LUC7L: variants seen among roughly 807,000 people sequenced by gnomAD.
LUC7L encodes the protein LUC7 like, also known as putative RNA-binding protein Luc7-like 1.
LUC7L carries 29 observed loss-of-function variants against 51.1 expected under a neutral mutation model. The ratio of observed to expected loss-of-function variants is 0.57; its 90% CI spans 0.42 to 0.77. The LOEUF (loss-of-function observed/expected upper bound fraction) is 0.77. Ranked by LOEUF, LUC7L falls within the 30% of genes least tolerant of loss-of-function variation. LUC7L has a pLI of 0.00. For synonymous variants in LUC7L, 181 were observed against 180.7 expected (o/e 1.00, Z -0.01); for missense variants, 403 against 511.9 (o/e 0.79, Z 2.05).
At chr16:201,949 G>A (rs779242391) in intron 5 of LUC7L, among the ~76,000 whole-genome samples, 2 of 150,658 alleles carry the variant, frequency 1.3e-5, no homozygotes, top group East Asian at 3.9e-4. Flanking sequence ...TCACCAAGTT[G>A]GCCAGGCTGG....
chr16:194,820 C>T (rs141791437), intron 6 of LUC7L, among the ~76,000 whole-genome samples: 1 of 152,240 alleles, frequency 6.6e-6, no homozygotes, highest in East Asian at 1.9e-4. Flanking sequence ...CACCGGGCAC[C>T]GTTCTGTATA....
At chr16:227,833 T>C in intron 1 of LUC7L, 1 of 1,000,826 alleles carries the variant, frequency 1.0e-6, no homozygotes, top group African/African-American at 1.7e-5. Flanking sequence ...GACTGTTAAA[T>C]AATCTAGATC....
chr16:200,356 G>A (rs992841701), intron 5 of LUC7L, among the ~76,000 whole-genome samples: 4 of 151,866 alleles, frequency 2.6e-5, no homozygotes, highest in East Asian at 1.9e-4. Flanking sequence ...CCCGGCAGGC[G>A]GAGCTTGTAG....
rs192364189 is a variant in LUC7L at position 195,263 on chromosome 16, A to G, written c.688-2248T>C. On this transcript the variant is annotated intron_variant, in intron 6 of 9. Transcript: ENST00000293872. Reference sequence around the variant, plus strand: ...ACATAGTAAGACCTCCTACCTAAAAAAAAAAAATGAGCCAGATATGGTGGT... The same window carrying G: ...ACATAGTAAGACCTCCTACCTAAAAGAAAAAAATGAGCCAGATATGGTGGT... 7.2e-5 allele frequency among the ~76,000 whole-genome samples: 11 copies of G among 152,064 alleles called. No individual in the cohort carries two copies. In the East Asian group the frequency reaches 2.1e-3, roughly 29 times the overall value.
At chr16:226,848 T>C (rs771478212) in intron 2 of LUC7L, among the ~76,000 whole-genome samples, 1 of 152,224 alleles carries the variant, frequency 6.6e-6, no homozygotes, top group African/African-American at 2.4e-5. Context: ...TGTTCCATAA[T>C]ATAAAATCCT....
intron 3 of LUC7L, among the ~76,000 whole-genome samples, chr16:214,404 A>T (rs777775000): frequency 1.8e-4 from 27 of 152,334 alleles, no homozygotes; most frequent in Non-Finnish European, 2.9e-4. Flanking sequence ...CACAAACATT[A>T]GTTTGAAGGG....
chr16:202,900 C>A (rs2142064178), intron 5 of LUC7L, among the ~76,000 whole-genome samples: 1 of 152,338 alleles, frequency 6.6e-6, no homozygotes, highest in South Asian at 2.1e-4. Flanking sequence ...GTAATCCCAG[C>A]ACTGTGGGAG....
intron 6 of LUC7L, among the ~76,000 whole-genome samples, chr16:197,887 G>T (rs1156310456): frequency 6.6e-6 from 1 of 152,154 alleles, no homozygotes; most frequent in East Asian, 1.9e-4. Context: ...CTAGTATGCG[G>T]TAAGGGGGGC....
intron 2 of LUC7L, among the ~76,000 whole-genome samples, chr16:225,621 G>C (rs528608857): frequency 6.6e-6 from 1 of 150,450 alleles, no homozygotes; most frequent in African/African-American, 2.4e-5. Flanking sequence ...TGAGTAGCTG[G>C]GATTACAGGC....
intron 1 of LUC7L, chr16:227,951 G>A: frequency 2.0e-6 from 2 of 1,024,054 alleles, no homozygotes; most frequent in Non-Finnish European, 2.4e-6. Context: ...AACTAGGTTA[G>A]TCAATACACA....
intron 4 of LUC7L, among the ~76,000 whole-genome samples, chr16:207,450 TCAAG>T (rs2049515026): frequency 6.6e-6 from 1 of 152,114 alleles, no homozygotes; most frequent in South Asian, 2.1e-4. Context: ...ACTCCTGGGC[TCAAG>T]CAGTCTGCCC....
intron 3 of LUC7L, among the ~76,000 whole-genome samples, chr16:216,375 T>C (rs1257493141): frequency 2.1e-5 from 3 of 145,082 alleles, no homozygotes; most frequent in Non-Finnish European, 4.5e-5. Flanking sequence ...GGTTATCAAA[T>C]AGTTGTTTTT....
intron 5 of LUC7L, among the ~76,000 whole-genome samples, chr16:201,718 C>T (rs1258046734): frequency 2.2e-5 from 3 of 138,382 alleles, no homozygotes; most frequent in Middle Eastern, 3.9e-3. Context: ...GGATTACAGG[C>T]GTGAGCCACC....
At chr16:212,422 G>A (rs545723989) in intron 3 of LUC7L, among the ~76,000 whole-genome samples, 1 of 152,270 alleles carries the variant, frequency 6.6e-6, no homozygotes, top group Admixed American at 6.5e-5. Flanking sequence ...TGGCTCCAAA[G>A]ACCTGCACTT....
chr16:190,016 T>TGGCTCCGGGAACGGCTGC lies in LUC7L; in HGVS notation c.908_925dup (p.Arg303_Ser308dup). ...GGAAGCCCGACGATGTCCCCGGCTG[T>TGGCTCCGGGAACGGCTGC]GGCTCCGGGAACGGCTGCGGTGGCG... On this transcript the variant is annotated inframe_insertion, in exon 9 of 10. Transcript: ENST00000293872. 1.2e-6 allele frequency: 2 copies of TGGCTCCGGGAACGGCTGC among 1,614,072 alleles called. No homozygotes were observed. The highest frequency in any genetic ancestry group is 1.3e-5 in the African/African-American group (1 of 75,038).
chr16:213,301 A>G (rs2049696805), intron 3 of LUC7L, among the ~76,000 whole-genome samples: 1 of 152,086 alleles, frequency 6.6e-6, no homozygotes, highest in African/African-American at 2.4e-5. Flanking sequence ...AGGTAAAACA[A>G]CTGAGTACTG....
At chr16:228,746 T>TG in intron 1 of LUC7L, 4 of 1,263,756 alleles carry the variant, frequency 3.2e-6, no homozygotes, top group Non-Finnish European at 4.1e-6. Context: ...TCCTGTGTGC[T>TG]GGGGGGAAGG....
At chr16:201,242 TAAAAAAA>T (rs764945208) in intron 5 of LUC7L, among the ~76,000 whole-genome samples, 1 of 78,520 alleles carries the variant, frequency 1.3e-5, no homozygotes, top group African/African-American at 5.0e-5. Flanking sequence ...GCTACATAAC[TAAAAAAA>T]AAAAAAAAAA....
chr16:190,509 T>C (rs372816280), intron 8 of LUC7L, 32 bp downstream of exon 8: 172 of 1,609,904 alleles, frequency 1.1e-4, no homozygotes, highest in Non-Finnish European at 1.4e-4. Flanking sequence ...AAAAAAAAAT[T>C]TGAGAACATT....
Sources: gnomAD v4.1 joint callset for allele counts (sites outside exome capture counted in the v4.1 genomes callset) on GRCh38, gnomAD v4.1.1 for gene constraint, MANE v1.5 for transcripts, NCBI Gene and HGNC (gene_info 2026-07-23, HGNC 2026-07-21) for gene names.